Variants in VCF2 observed in about 807,000 individuals in gnomAD.
VCF2 encodes VCP nuclear cofactor family member 2.
At chrX:55,160,239 A>G in the VCF2 span, among the ~76,000 whole-genome samples, 6 of 112,671 alleles carry the variant, frequency 5.3e-5, no homozygotes, top group East Asian at 1.4e-3. Context: ...TGCCAGGATA[A>G]AAGAGTGAAA....
chrX:55,160,557 A>G, the VCF2 span, among the ~76,000 whole-genome samples: 3 of 112,237 alleles, frequency 2.7e-5, no homozygotes, highest in Non-Finnish European at 5.6e-5. Flanking sequence ...CGGCTGGGTG[A>G]TCGGACTGTG....
At chrX:55,145,248 T>C in the VCF2 span, 7 of 657,082 alleles carry the variant, frequency 1.1e-5, no homozygotes, top group Non-Finnish European at 1.3e-5. Context: ...ACATTAACTC[T>C]ATACATAATA....
At chrX:55,155,343 C>G in the VCF2 span, among the ~76,000 whole-genome samples, 1 of 111,351 alleles carries the variant, frequency 9.0e-6, no homozygotes, top group African/African-American at 3.3e-5. Context: ...GATGAGACCA[C>G]AAAAATCACT....
the VCF2 span, among the ~76,000 whole-genome samples, chrX:55,147,633 T>G: frequency 1.3e-5 from 1 of 79,190 alleles, no homozygotes; most frequent in African/African-American, 5.3e-5. Flanking sequence ...TGGCTTTCCT[T>G]GTTTTTTTTT....
the VCF2 span, chrX:55,145,177 C>G: frequency 1.4e-5 from 5 of 348,508 alleles, no homozygotes; most frequent in Non-Finnish European, 1.9e-5. Flanking sequence ...GGACAGTTGT[C>G]CAACCCACTT....
the VCF2 span, among the ~76,000 whole-genome samples, chrX:55,154,034 G>C: frequency 8.9e-6 from 1 of 112,474 alleles, no homozygotes; most frequent in Non-Finnish European, 1.9e-5. Context: ...TTATCAGAAT[G>C]ATTAAGAGGA....
the VCF2 span, among the ~76,000 whole-genome samples, chrX:55,150,132 A>T: frequency 1.8e-5 from 2 of 112,411 alleles, no homozygotes; most frequent in Non-Finnish European, 3.7e-5. Flanking sequence ...TGTCAAATAT[A>T]AAATGGCATT....
chrX:55,155,881 TTA>T, the VCF2 span, among the ~76,000 whole-genome samples: 1 of 110,100 alleles, frequency 9.1e-6, no homozygotes, highest in African/African-American at 3.3e-5. Context: ...TGATATAAAA[TTA>T]TATAACACTT....
chrX:55,153,479 C>T, the VCF2 span, among the ~76,000 whole-genome samples: 3 of 108,636 alleles, frequency 2.8e-5, no homozygotes, highest in Non-Finnish European at 5.7e-5. Context: ...CTCAGCCTCC[C>T]GAGTAGCTGG....
chrX:55,155,332 G>A, the VCF2 span, among the ~76,000 whole-genome samples: 1 of 111,904 alleles, frequency 8.9e-6, no homozygotes, highest in Non-Finnish European at 1.9e-5. Context: ...AATAGGGGGT[G>A]GATGAGACCA....
the VCF2 span, among the ~76,000 whole-genome samples, chrX:55,144,610 G>A: frequency 8.9e-6 from 1 of 111,838 alleles, no homozygotes; most frequent in South Asian, 3.7e-4. Context: ...GTGTGTGTGT[G>A]TGTAGGTATG....
chrX:55,158,684 AAAATT>A, the VCF2 span, among the ~76,000 whole-genome samples: 1 of 111,693 alleles, frequency 9.0e-6, no homozygotes, highest in Non-Finnish European at 1.9e-5. Flanking sequence ...ATATCAATAA[AAAATT>A]AAAAACTTCA....
At chrX:55,157,126 T>A in the VCF2 span, among the ~76,000 whole-genome samples, 3 of 112,663 alleles carry the variant, frequency 2.7e-5, no homozygotes, top group Non-Finnish European at 5.6e-5. Flanking sequence ...CAACAACGAT[T>A]TCATCCCCAA....
At chrX:55,143,531 C>T in the VCF2 span, 31 of 212,669 alleles carry the variant, frequency 1.5e-4, no homozygotes, top group Admixed American at 1.9e-3. Flanking sequence ...ACAAAATTTT[C>T]GCTGTTTATA....
the VCF2 span, chrX:55,145,565 G>A: frequency 1.3e-6 from 1 of 756,222 alleles, no homozygotes; most frequent in South Asian, 6.7e-5. Context: ...TCTGAGGGGA[G>A]TATGGCAGTT....
At chrX:55,153,447 C>T in the VCF2 span, among the ~76,000 whole-genome samples, 1 of 108,137 alleles carries the variant, frequency 9.2e-6, no homozygotes, top group Non-Finnish European at 1.9e-5. Flanking sequence ...CTCTGCCTCC[C>T]GGGTTCATGC....
the VCF2 span, chrX:55,145,586 C>T: frequency 2.4e-5 from 18 of 755,296 alleles, no homozygotes; most frequent in African/African-American, 3.9e-4. Context: ...CATTTCAGTG[C>T]AAGACTGAAT....
At chrX:55,144,219 C>T in the VCF2 span, among the ~76,000 whole-genome samples, 64 of 111,469 alleles carry the variant, frequency 5.7e-4, no homozygotes, top group Admixed American at 1.1e-3. Flanking sequence ...ATGCAGAATT[C>T]TTCCTGGGTA....
the VCF2 span, among the ~76,000 whole-genome samples, chrX:55,156,909 T>C: frequency 6.3e-5 from 7 of 111,729 alleles, no homozygotes; most frequent in East Asian, 2.8e-4. Flanking sequence ...ACAACTGAGA[T>C]TGTAAGATTC....
Sources: allele counts gnomAD v4.1 joint callset (sites outside exome capture counted in the v4.1 genomes callset), GRCh38; gene constraint gnomAD v4.1.1; transcripts MANE v1.5; gene names NCBI Gene and HGNC (gene_info 2026-07-23, HGNC 2026-07-21).